SPON1: variants seen among roughly 807,000 people sequenced by gnomAD.
SPON1 encodes the protein spondin 1.
A neutral mutation model predicts 111.7 loss-of-function variants in SPON1; 52 were observed. That is an observed-to-expected ratio of 0.47 (90% CI 0.37 to 0.59). The LOEUF (loss-of-function observed/expected upper bound fraction) is 0.59, where lower values mean the gene tolerates loss of function less well. Ranked by LOEUF, SPON1 falls within the 20% of genes least tolerant of loss-of-function variation. The pLI is 0.00. For missense variants in SPON1, 957 were observed against 1,068.5 expected (o/e 0.90, Z 1.46); for synonymous variants, 410 against 395.8 (o/e 1.04, Z -0.43).
At chr11:14,103,341 T>C (rs1454086645) in intron 5 of SPON1, among the ~76,000 whole-genome samples, 1 of 152,190 alleles carries the variant, frequency 6.6e-6, no homozygotes, top group African/African-American at 2.4e-5. Context: ...CGTTTATCCC[T>C]GTCTCTCCTG....
At chr11:14,139,551 TA>T (rs1847628148) in intron 6 of SPON1, among the ~76,000 whole-genome samples, 1 of 152,200 alleles carries the variant, frequency 6.6e-6, no homozygotes, top group South Asian at 2.1e-4. Flanking sequence ...GTTCATTCAA[TA>T]ACTTTATAAA....
intron 2 of SPON1, among the ~76,000 whole-genome samples, chr11:14,005,737 ACATT>A (rs1249531144): frequency 6.3e-5 from 9 of 142,924 alleles, no homozygotes; most frequent in African/African-American, 2.3e-4. Context: ...TATTATTATA[ACATT>A]CATAATTCTG....
At chr11:14,139,310 G>C (rs1847624815) in intron 6 of SPON1, among the ~76,000 whole-genome samples, 1 of 152,180 alleles carries the variant, frequency 6.6e-6, no homozygotes, top group Admixed American at 6.5e-5. Flanking sequence ...ACTTAGCTTA[G>C]ATGTTGCCTC....
At chr11:14,151,917 C>G (rs1847792722) in intron 6 of SPON1, among the ~76,000 whole-genome samples, 1 of 152,192 alleles carries the variant, frequency 6.6e-6, no homozygotes, top group Admixed American at 6.5e-5. Context: ...CTCTCCCAAT[C>G]TGTATCCATC....
intron 2 of SPON1, among the ~76,000 whole-genome samples, chr11:14,035,619 T>C (rs1554916539): frequency 2.6e-5 from 2 of 75,792 alleles, no homozygotes; most frequent in African/African-American, 6.3e-5. Flanking sequence ...TAGTTCTTTT[T>C]TTTTTTTTTT....
chr11:14,145,064 A>G (rs1554929192), intron 6 of SPON1, among the ~76,000 whole-genome samples: 2 of 152,246 alleles, frequency 1.3e-5, no homozygotes, highest in African/African-American at 2.4e-5. Context: ...TAAGGAGTCA[A>G]ATAAAGATTC....
intron 6 of SPON1, among the ~76,000 whole-genome samples, chr11:14,224,371 A>G (rs1179588002): frequency 2.0e-5 from 3 of 152,178 alleles, no homozygotes; most frequent in South Asian, 2.1e-4. Flanking sequence ...AAGGACAAGT[A>G]GGCATTACCT....
chr11:14,178,524 A>G (rs1591401296), intron 6 of SPON1, among the ~76,000 whole-genome samples: 2 of 152,314 alleles, frequency 1.3e-5, no homozygotes, highest in East Asian at 3.9e-4. Context: ...TGAGAAAACA[A>G]AAGAAATCAG....
At chr11:14,186,895 G>A (rs569874046) in intron 6 of SPON1, among the ~76,000 whole-genome samples, 1 of 152,278 alleles carries the variant, frequency 6.6e-6, no homozygotes, top group East Asian at 1.9e-4. Flanking sequence ...TGCAGGAGAG[G>A]AAACTGAGGC....
intron 7 of SPON1, among the ~76,000 whole-genome samples, chr11:14,254,124 C>T (rs1554940914): frequency 6.6e-6 from 1 of 152,194 alleles, no homozygotes; most frequent in African/African-American, 2.4e-5. Flanking sequence ...CTATTGGCAG[C>T]CTTCTGAGGG....
chr11:14,106,729 G>A (rs1191202459), intron 5 of SPON1, among the ~76,000 whole-genome samples: 1 of 152,184 alleles, frequency 6.6e-6, no homozygotes, highest in African/African-American at 2.4e-5. Context: ...TAGTGAAAAG[G>A]ATTAGTACTG....
intron 5 of SPON1, among the ~76,000 whole-genome samples, chr11:14,131,261 T>C (rs1847526419): frequency 6.6e-6 from 1 of 152,222 alleles, no homozygotes; most frequent in Non-Finnish European, 1.5e-5. Context: ...ACCTCAGTTT[T>C]GCTCCTTCCT....
chr11:14,213,248 A>C (rs782815884), intron 6 of SPON1, among the ~76,000 whole-genome samples: 4 of 152,222 alleles, frequency 2.6e-5, no homozygotes, highest in Non-Finnish European at 4.4e-5. Flanking sequence ...TAGGAGAGAC[A>C]CTGTAGAAAA....
chr11:14,109,628 A>C (rs1015089383), intron 5 of SPON1, among the ~76,000 whole-genome samples: 2 of 152,170 alleles, frequency 1.3e-5, no homozygotes, highest in Admixed American at 6.5e-5. Flanking sequence ...GCCTTATGAC[A>C]TGTCCATATA....
chr11:14,260,439 AGATTT>A lies in SPON1; in HGVS notation c.1832-148_1832-144del. On this transcript the variant is annotated intron_variant, in intron 13 of 15. Transcript: ENST00000576479. ...GCTGCTGAGCCACTTCTTGCTCCAT[AGATTT>A]CACTCTTATTTGAACCCATGGGCCA... 3.9e-6 allele frequency: 3 copies of A among 765,848 alleles called. No homozygotes were observed. The South Asian group carries it at 6.7e-5, about 17-fold the overall frequency. The allele number at this position is 765,848 out of a possible 1,614,324, so 47.4% of individuals were successfully genotyped here.
intron 9 of SPON1, 93 bp from the exon 10 acceptor site, chr11:14,256,524 A>C: frequency 1.2e-6 from 1 of 828,582 alleles, no homozygotes; most frequent in South Asian, 1.6e-5. Flanking sequence ...TTGTATACAG[A>C]ATGGCGATTA....
intron 5 of SPON1, among the ~76,000 whole-genome samples, chr11:14,115,686 G>A (rs1161283860): frequency 6.6e-6 from 1 of 152,020 alleles, no homozygotes; most frequent in African/African-American, 2.4e-5. Context: ...GAACATTTGG[G>A]TAGTTTCCAG....
chr11:14,204,834 G>A (rs1469447989), intron 6 of SPON1, among the ~76,000 whole-genome samples: 8 of 151,846 alleles, frequency 5.3e-5, no homozygotes, highest in Admixed American at 4.6e-4. Flanking sequence ...ACAGGTGCCC[G>A]CCACCACCCC....
chr11:13,969,538 G>A (rs1232080608), intron 1 of SPON1, among the ~76,000 whole-genome samples: 1 of 152,150 alleles, frequency 6.6e-6, no homozygotes. Flanking sequence ...AAAACAAAGG[G>A]GTGGTGTGGG....
Sources: allele counts gnomAD v4.1 joint callset (sites outside exome capture counted in the v4.1 genomes callset), GRCh38; gene constraint gnomAD v4.1.1; transcripts MANE v1.5; gene names NCBI Gene and HGNC (gene_info 2026-07-23, HGNC 2026-07-21).